The following EPHA6 variants were observed in gnomAD, a reference collection of about 807,000 sequenced individuals.
The protein encoded by EPHA6 is EPH receptor A6.
Under a neutral mutation model 112.0 loss-of-function variants are expected in EPHA6, and 50 were observed. The observed-to-expected ratio is 0.45, with a 90% confidence interval of 0.36 to 0.56. The LOEUF (loss-of-function observed/expected upper bound fraction) is 0.56, where lower values mean the gene tolerates loss of function less well. EPHA6 is among the 20% of genes least tolerant of loss of function. The probability of loss-of-function intolerance (pLI) is 0.00; values close to 1 mark genes in which losing one functional copy is unlikely to be tolerated. For missense variants in EPHA6, 1,280 were observed against 1,417.4 expected (o/e 0.90, Z 1.56); for synonymous variants, 529 against 490.7 (o/e 1.08, Z -1.03).
chr3:97,349,111 A>G (rs1457241582), intron 5 of EPHA6, among the ~76,000 whole-genome samples: 1 of 152,074 alleles, frequency 6.6e-6, no homozygotes, highest in African/African-American at 2.4e-5. Flanking sequence ...TGCTTCATGT[A>G]TCCTTAAAAT....
chr3:96,930,698 A>C (rs2040269068), intron 2 of EPHA6, among the ~76,000 whole-genome samples: 1 of 152,066 alleles, frequency 6.6e-6, no homozygotes, highest in Non-Finnish European at 1.5e-5. Context: ...ACCTGCTTAA[A>C]ATAAGCTGTC....
chr3:97,672,963 T>C (rs2030999606), intron 14 of EPHA6, among the ~76,000 whole-genome samples: 1 of 152,190 alleles, frequency 6.6e-6, no homozygotes, highest in Non-Finnish European at 1.5e-5. Flanking sequence ...AAATGGAAAC[T>C]TCACCAGGTA....
rs576124313 is a variant in EPHA6 at position 97,479,498 on chromosome 3, T to C, written c.2074+134T>C. 1.6e-5 allele frequency: 8 copies of C among 509,974 alleles called. No individual in the cohort carries two copies. In the South Asian group the frequency reaches 4.7e-4, roughly 30 times the overall value. 31.6% of individuals were successfully genotyped at this position (509,974 alleles called of 1,614,324 possible). The stretch of plus-strand genomic sequence containing the variant: ...TCCAACCTTTCAGCATTAAGAATTT[T>C]CATCTGGTTTCCAGGTTTGTTGGTG... On this transcript the variant is annotated intron_variant, in intron 9 of 17. Coordinates refer to ENST00000389672, the MANE Select transcript of EPHA6 (RefSeq NM_001080448.3).
At chr3:96,989,989 G>A (rs1049813337) in intron 3 of EPHA6, among the ~76,000 whole-genome samples, 5 of 152,064 alleles carry the variant, frequency 3.3e-5, no homozygotes, top group Non-Finnish European at 7.4e-5. Flanking sequence ...ATTACACAGA[G>A]TAACCATGTA....
intron 1 of EPHA6, among the ~76,000 whole-genome samples, chr3:96,829,704 C>T (rs1462023629): frequency 1.3e-5 from 2 of 152,024 alleles, no homozygotes; most frequent in East Asian, 1.9e-4. Flanking sequence ...TTAGATGTAG[C>T]GTCTGCTGCC....
At chr3:96,926,257 C>T (rs922805037) in intron 2 of EPHA6, among the ~76,000 whole-genome samples, 7 of 152,112 alleles carry the variant, frequency 4.6e-5, no homozygotes, top group African/African-American at 4.8e-5. Context: ...GTCACTATTA[C>T]AAGAACAGCG....
chr3:97,222,292 T>C (rs767181442), intron 3 of EPHA6, among the ~76,000 whole-genome samples: 2 of 152,154 alleles, frequency 1.3e-5, no homozygotes, highest in African/African-American at 4.8e-5. Context: ...CAGAATTCTT[T>C]ATTTTTAAAT....
intron 4 of EPHA6, among the ~76,000 whole-genome samples, chr3:97,227,111 G>A (rs931384653): frequency 1.3e-5 from 2 of 151,440 alleles, no homozygotes; most frequent in African/African-American, 4.9e-5. Flanking sequence ...ACATTGCTAA[G>A]TTATGCAAAA....
chr3:97,367,846 G>C (rs910775721), intron 5 of EPHA6, among the ~76,000 whole-genome samples: 8 of 151,972 alleles, frequency 5.3e-5, no homozygotes, highest in African/African-American at 1.7e-4. Flanking sequence ...TGAAAAGTTG[G>C]TCTCTACTTA....
At chr3:96,931,715 G>T (rs995635089) in intron 2 of EPHA6, among the ~76,000 whole-genome samples, 8 of 152,310 alleles carry the variant, frequency 5.3e-5, no homozygotes, top group Admixed American at 4.6e-4. Context: ...TCTCAGACAG[G>T]CTCCACCCTG....
In EPHA6 at chr3:97,290,085, C is replaced by T. The variant is rs78111967; in HGVS notation, c.1606+45798C>T. On this transcript the variant is annotated intron_variant, in intron 5 of 17. Coordinates refer to ENST00000389672, the MANE Select transcript of EPHA6 (RefSeq NM_001080448.3). ...TTGAGATCTAACTATTTTAGCTGGG[C>T]ATTTAGTACTGCAAACTTTCTCCTT... 5.3e-3 allele frequency among the ~76,000 whole-genome samples: 802 copies of T among 152,128 alleles called. 6 individuals carry two copies. Among genetic ancestry groups the T allele is most frequent in the African/African-American group, 0.017 (726 of 41,536 alleles).
chr3:97,448,859 C>G lies in EPHA6; in HGVS notation c.1894+129C>G. 3.9e-6 allele frequency: 3 copies of G among 769,744 alleles called. No homozygotes were observed. The Admixed American group carries it at 7.5e-5, about 19-fold the overall frequency. The allele number at this position is 769,744 out of a possible 1,614,324, so 47.7% of individuals were successfully genotyped here. A position where few individuals can be genotyped will look rare whatever the true frequency, so the allele number is the denominator to read the frequency against. ...AAATGAGATTTTGTTCATGTAAATA[C>G]TCATACAGTCATTTCAGTTAATATT... On this transcript the variant is annotated intron_variant, in intron 7 of 17. Coordinates refer to ENST00000389672, the MANE Select transcript of EPHA6 (RefSeq NM_001080448.3).
chr3:97,457,754 T>G (rs1350615376), intron 7 of EPHA6, among the ~76,000 whole-genome samples: 1 of 151,834 alleles, frequency 6.6e-6, no homozygotes, highest in Non-Finnish European at 1.5e-5. Context: ...TTCCACAAAG[T>G]CCTGTATGAA....
intron 5 of EPHA6, among the ~76,000 whole-genome samples, chr3:97,303,288 T>A (rs1446883988): frequency 6.6e-6 from 1 of 151,874 alleles, no homozygotes; most frequent in East Asian, 1.9e-4. Flanking sequence ...TCTGGAATAA[T>A]ATAAGGACAA....
chr3:97,672,912 T>C (rs1483556569), intron 14 of EPHA6, among the ~76,000 whole-genome samples: 1 of 152,198 alleles, frequency 6.6e-6, no homozygotes, highest in African/African-American at 2.4e-5. Context: ...TTTTGATTTA[T>C]TAGCACTCCA....
At chr3:97,305,055 T>TC (rs2081259565) in intron 5 of EPHA6, among the ~76,000 whole-genome samples, 1 of 151,782 alleles carries the variant, frequency 6.6e-6, no homozygotes, top group Admixed American at 6.6e-5. Flanking sequence ...AACAACCCCA[T>TC]TAAAAGTGGG....
At chr3:97,633,130 G>A (rs2093917773) in intron 13 of EPHA6, among the ~76,000 whole-genome samples, 1 of 152,088 alleles carries the variant, frequency 6.6e-6, no homozygotes, top group Admixed American at 6.6e-5. Flanking sequence ...TGGGGATGCT[G>A]TGTTCTGGTG....
chr3:97,003,550 T>C (rs2043753459), intron 3 of EPHA6, among the ~76,000 whole-genome samples: 1 of 152,172 alleles, frequency 6.6e-6, no homozygotes, highest in Admixed American at 6.6e-5. Flanking sequence ...GGCAAAGTTA[T>C]AATAAAATGA....
chr3:97,335,243 C>A (rs1371777028), intron 5 of EPHA6, among the ~76,000 whole-genome samples: 1 of 152,146 alleles, frequency 6.6e-6, no homozygotes, highest in Non-Finnish European at 1.5e-5. Context: ...CTCTTTTTTT[C>A]TTTCTGTCTC....
Sources: allele counts gnomAD v4.1 joint callset (sites outside exome capture counted in the v4.1 genomes callset), GRCh38; gene constraint gnomAD v4.1.1; transcripts MANE v1.5; gene names NCBI Gene and HGNC (gene_info 2026-07-23, HGNC 2026-07-21).